The following DACH2 variants were observed in gnomAD, a reference collection of about 807,000 sequenced individuals.
DACH2 encodes the protein dachshund homolog 2.
In DACH2, 17 loss-of-function variants were observed where a neutral mutation model predicts 35.8. That is an observed-to-expected ratio of 0.48 (90% confidence interval 0.33 to 0.71). The LOEUF (loss-of-function observed/expected upper bound fraction) is 0.71. Ranked by LOEUF, DACH2 falls within the 30% of genes least tolerant of loss-of-function variation. The probability of loss-of-function intolerance (pLI) is 0.02; values close to 1 mark genes in which losing one functional copy is unlikely to be tolerated. For synonymous variants in DACH2, 195 were observed against 177.3 expected, an observed-to-expected ratio of 1.10 and a Z score of -0.79; for missense variants, 469 against 472.7, an observed-to-expected ratio of 0.99 and a Z score of 0.07.
intron 1 of DACH2, among the ~76,000 whole-genome samples, chrX:86,370,888 A>G (rs1041846235): frequency 2.7e-5 from 3 of 111,537 alleles, no homozygotes; most frequent in African/African-American, 6.5e-5. Flanking sequence ...TTGATGGTAC[A>G]TATATTCATA....
At chrX:86,640,901 C>G (rs1409171902) in intron 3 of DACH2, among the ~76,000 whole-genome samples, 1 of 112,067 alleles carries the variant, frequency 8.9e-6, no homozygotes, top group Non-Finnish European at 1.9e-5. Context: ...AATAAAGACT[C>G]TACACAAAGC....
intron 5 of DACH2, among the ~76,000 whole-genome samples, chrX:86,701,017 A>G (rs890650945): frequency 7.1e-5 from 8 of 111,895 alleles, no homozygotes; most frequent in African/African-American, 2.3e-4. Context: ...GATCATCCTG[A>G]TACCAAATCC....
intron 3 of DACH2, among the ~76,000 whole-genome samples, chrX:86,611,045 A>G (rs2039937725): frequency 9.0e-6 from 1 of 110,973 alleles, no homozygotes; most frequent in Non-Finnish European, 1.9e-5. Flanking sequence ...CCAGCACACT[A>G]CAGAGTCTCA....
intron 3 of DACH2, among the ~76,000 whole-genome samples, chrX:86,639,012 T>C (rs1026536409): frequency 8.9e-6 from 1 of 112,130 alleles, no homozygotes; most frequent in Non-Finnish European, 1.9e-5. Flanking sequence ...TCCACCTAAA[T>C]GTCCATCAAT....
chrX:86,537,550 A>C (rs1271414112), intron 3 of DACH2, among the ~76,000 whole-genome samples: 2 of 111,990 alleles, frequency 1.8e-5, no homozygotes, highest in Non-Finnish European at 3.8e-5. Context: ...CTTCTAATCA[A>C]TAAATTCTGT....
chrX:86,629,962 A>G (rs1361862123), intron 3 of DACH2, among the ~76,000 whole-genome samples: 3 of 111,906 alleles, frequency 2.7e-5, no homozygotes, highest in Non-Finnish European at 3.8e-5. Flanking sequence ...GAACAGATGA[A>G]CTTTATATAA....
intron 1 of DACH2, among the ~76,000 whole-genome samples, chrX:86,230,189 C>T (rs1330410145): frequency 9.1e-6 from 1 of 110,312 alleles, no homozygotes; most frequent in Non-Finnish European, 1.9e-5. Context: ...TGGATTTTGT[C>T]GAATGCTTTT....
intron 1 of DACH2, among the ~76,000 whole-genome samples, chrX:86,231,479 C>T (rs1297192433): frequency 9.1e-6 from 1 of 110,404 alleles, no homozygotes; most frequent in East Asian, 2.9e-4. Context: ...GGGTGAGATT[C>T]CCAGGTCACT....
intron 2 of DACH2, among the ~76,000 whole-genome samples, chrX:86,387,039 T>C (rs1456666980): frequency 9.0e-6 from 1 of 111,566 alleles, no homozygotes; most frequent in Admixed American, 9.6e-5. Flanking sequence ...ATGAAAAGCC[T>C]CATAGTCTTC....
intron 4 of DACH2, among the ~76,000 whole-genome samples, chrX:86,655,185 G>A (rs1292018354): frequency 8.9e-6 from 1 of 111,791 alleles, no homozygotes; most frequent in Admixed American, 9.5e-5. Context: ...TGTTCTTTCT[G>A]AATGCTCATG....
At chrX:86,684,699 TATA>T (rs1322229105) in intron 4 of DACH2, among the ~76,000 whole-genome samples, 4 of 110,738 alleles carry the variant, frequency 3.6e-5, no homozygotes, top group Non-Finnish European at 1.9e-5. Flanking sequence ...GTTGTAAATA[TATA>T]ATATTACAAT....
intron 2 of DACH2, among the ~76,000 whole-genome samples, chrX:86,450,677 C>T (rs374633379): frequency 2.4e-4 from 26 of 110,018 alleles, no homozygotes; most frequent in South Asian, 7.8e-4. Flanking sequence ...AAATAATTTA[C>T]GCTCCCACCA....
chrX:86,625,440 G>A (rs183259137), intron 3 of DACH2, among the ~76,000 whole-genome samples: 180 of 110,999 alleles, frequency 1.6e-3, no homozygotes, highest in African/African-American at 5.5e-3. Flanking sequence ...ATGAAATACT[G>A]TATGTGTGTA....
At position 86,442,355 on chromosome X, in the gene DACH2, TTGTGTGTGTG is replaced by T. The variant is rs780963312; in HGVS notation, c.527+65517_527+65526del. Reference sequence around the variant, plus strand: ...CTTTTGCTCATTTTTAAGTAGTATTTTGTGTGTGTGTGTGTGTGTGTGTGTGTGTGTGTAT... The same window carrying T: ...CTTTTGCTCATTTTTAAGTAGTATTTTGTGTGTGTGTGTGTGTGTGTGTAT... On this transcript the variant is annotated intron_variant, in intron 2 of 11. Transcript: ENST00000373125. Among the ~76,000 whole-genome samples, 48 of 71,318 alleles carry T rather than the reference TTGTGTGTGTG, an allele frequency of 6.7e-4. No individual in the cohort carries two copies. The South Asian group carries it at 0.014, about 20-fold the overall frequency. 61.9% of individuals were successfully genotyped at this position (71,318 alleles called of 115,157 possible).
intron 4 of DACH2, among the ~76,000 whole-genome samples, chrX:86,677,122 GAA>G (rs942206135): frequency 8.0e-5 from 9 of 111,982 alleles, no homozygotes; most frequent in Admixed American, 2.9e-4. Context: ...TCTGTAGTTA[GAA>G]AAAGAGATTT....
At chrX:86,510,458 G>T (rs959589458) in intron 2 of DACH2, among the ~76,000 whole-genome samples, 35 of 111,793 alleles carry the variant, frequency 3.1e-4, no homozygotes, top group African/African-American at 1.1e-3. Context: ...GCAGAAATAT[G>T]AAGTACTGTT....
At chrX:86,242,392 T>C (rs1318851904) in intron 1 of DACH2, among the ~76,000 whole-genome samples, 2 of 112,163 alleles carry the variant, frequency 1.8e-5, no homozygotes, top group Non-Finnish European at 3.8e-5. Flanking sequence ...ATGAAGCCTA[T>C]AGCCCCTTCG....
At chrX:86,828,050 T>G in intron 11 of DACH2, 1 of 285,666 alleles carries the variant, frequency 3.5e-6, no homozygotes, top group Non-Finnish European at 6.2e-6. Context: ...TAGTTCATAG[T>G]GCTTCAAAAA....
intron 5 of DACH2, 73 bp from the exon 6 acceptor site, chrX:86,714,475 A>G: frequency 3.2e-6 from 3 of 942,339 alleles, no homozygotes; most frequent in Non-Finnish European, 4.3e-6. Flanking sequence ...CTAAGAATGA[A>G]TTTAGGTACT....
Sources: allele counts gnomAD v4.1 joint callset (sites outside exome capture counted in the v4.1 genomes callset), GRCh38; gene constraint gnomAD v4.1.1; transcripts MANE v1.5; gene names NCBI Gene and HGNC (gene_info 2026-07-23, HGNC 2026-07-21).